Variants in PCNT observed in about 807,000 individuals in gnomAD.
The protein encoded by PCNT is kendrin.
PCNT carries 319 observed loss-of-function variants against 380.4 expected under a neutral mutation model. The ratio of observed to expected loss-of-function variants is 0.84; its 90% confidence interval spans 0.77 to 0.92. The LOEUF (loss-of-function observed/expected upper bound fraction) is 0.92, where lower values mean the gene tolerates loss of function less well. Among genes scored for constraint, PCNT ranks in the 40% least tolerant of loss-of-function variants. PCNT has a pLI of 0.00. For synonymous variants in PCNT, 1,845 were observed against 1,735.2 expected, an observed-to-expected ratio of 1.06 and a Z score of -1.57; for missense variants, 4,400 against 4,255.3, an observed-to-expected ratio of 1.03 and a Z score of -0.95.
chr21:46,354,168 C>G (rs554319104), intron 11 of PCNT, 100 bp downstream of exon 11: 1 of 1,090,068 alleles, frequency 9.2e-7, no homozygotes, highest in Non-Finnish European at 1.4e-6. Flanking sequence ...TCCTTCCCAC[C>G]TTGTCCAGGG....
In PCNT at chr21:46,437,015, A is replaced by G; in HGVS notation, c.9033A>G (p.Ala3011=). Residue 3011 remains alanine, a synonymous_variant, in exon 40 of 47, where the codon GCA becomes GCG. Transcript: ENST00000359568. ...ATTGGACGTCATCCAATGAGAAAGC[A>G]GTGATGTCTTTACTGCACACGTTGG... The part of the protein sequence containing the change: ...VNDWTSSNEK[A]VMSLLHTLEE... The G allele has an allele frequency of 3.7e-6, 6 of 1,614,166 alleles. No homozygotes were observed. Among genetic ancestry groups the G allele is most frequent in the Non-Finnish European group, 5.1e-6 (6 of 1,179,990 alleles).
chr21:46,431,396 A>C, intron 37 of PCNT, 133 bp from the exon 38 acceptor site: 1 of 1,527,376 alleles, frequency 6.5e-7, no homozygotes, highest in Non-Finnish European at 8.8e-7. Context: ...TTGTCCCTAC[A>C]TGTGGCTAAT....
chr21:46,370,109 C>T (rs2085065161), intron 15 of PCNT, among the ~76,000 whole-genome samples: 1 of 152,112 alleles, frequency 6.6e-6, no homozygotes, highest in African/African-American at 2.4e-5. Context: ...CTTACGGATA[C>T]ACTTGGAGCC....
chr21:46,372,263 C>T (rs1320950892), intron 15 of PCNT, among the ~76,000 whole-genome samples: 5 of 151,850 alleles, frequency 3.3e-5, no homozygotes, highest in African/African-American at 9.7e-5. Flanking sequence ...CACATGTGCA[C>T]GTGTAGCACA....
chr21:46,418,002 T>C (rs907117962), intron 30 of PCNT, among the ~76,000 whole-genome samples: 1 of 152,244 alleles, frequency 6.6e-6, no homozygotes, highest in African/African-American at 2.4e-5. Context: ...ATTGGCTACA[T>C]TAAAATATTC....
Position 46,357,177 on chromosome 21 carries a change from G to A in PCNT, c.2140G>A (p.Asp714Asn), listed in dbSNP as rs757622282. Reference sequence around the variant, plus strand: ...GTTGCAGCATGAAACTCGTCTGAAGGACGATTTGGAGAAGGTGAGTCGTGA... The same window carrying A: ...GTTGCAGCATGAAACTCGTCTGAAGAACGATTTGGAGAAGGTGAGTCGTGA... ...GKLQHETRLKDDLEKVKHNLI... is the reference protein window; with the variant it reads ...GKLQHETRLKNDLEKVKHNLI... The change falls in exon 13 of 47, where the codon GAC (aspartate) becomes AAC (asparagine). Residue 714 changes from aspartate to asparagine, a missense_variant. Coordinates refer to ENST00000359568, the MANE Select transcript of PCNT (RefSeq NM_006031.6). 1 of 1,612,002 alleles carries A rather than the reference G, an allele frequency of 6.2e-7. No individual in the cohort carries two copies. Among genetic ancestry groups the A allele is most frequent in the Admixed American group, 1.7e-5 (1 of 60,028 alleles).
chr21:46,428,923 G>GT (rs2087624053), intron 35 of PCNT, among the ~76,000 whole-genome samples: 1 of 144,806 alleles, frequency 6.9e-6, no homozygotes, highest in African/African-American at 2.9e-5. Flanking sequence ...TTCTTCGGGA[G>GT]TTTTTATGTA....
intron 14 of PCNT, among the ~76,000 whole-genome samples, chr21:46,365,163 AT>A (rs2084855049): frequency 6.6e-6 from 1 of 151,318 alleles, no homozygotes; most frequent in Non-Finnish European, 1.5e-5. Context: ...GGTTCTATTC[AT>A]TCACTGCCAT....
In PCNT at chr21:46,436,217, A is replaced by AG. The variant is rs2053442627; in HGVS notation, c.8996+72dup. 1.9e-6 allele frequency: 3 copies of AG among 1,573,116 alleles called. No homozygotes were observed. In the Admixed American group the frequency reaches 5.1e-5, roughly 27 times the overall value. On this transcript the variant is annotated intron_variant, in intron 39 of 46. Transcript: ENST00000359568. ...ACCCCTCTGTCCCAGACCCGGCCCG[A>AG]GGGCTGGGGCGCGTCTGGTGTGAGG... is the stretch of plus-strand genomic sequence containing the variant.
intron 15 of PCNT, among the ~76,000 whole-genome samples, chr21:46,381,074 G>A (rs1281148917): frequency 6.6e-6 from 1 of 151,296 alleles, no homozygotes; most frequent in Admixed American, 6.6e-5. Context: ...CTACTCGGGA[G>A]ACTGAGGCAA....
chr21:46,365,952 C>T (rs1317721413), intron 14 of PCNT, among the ~76,000 whole-genome samples: 1 of 148,848 alleles, frequency 6.7e-6, no homozygotes, highest in African/African-American at 2.5e-5. Context: ...CTATTCACTG[C>T]TGTGGGGTTC....
chr21:46,364,263 G>C (rs1458902527), intron 14 of PCNT, among the ~76,000 whole-genome samples: 1 of 151,934 alleles, frequency 6.6e-6, no homozygotes, highest in Admixed American at 6.6e-5. Flanking sequence ...CAGGCTGGCA[G>C]TTGCTGTCCC....
intron 3 of PCNT, among the ~76,000 whole-genome samples, chr21:46,342,627 G>A (rs2083942114): frequency 6.7e-6 from 1 of 149,708 alleles, no homozygotes; most frequent in Non-Finnish European, 1.5e-5. Context: ...TGCAACCTCC[G>A]CCTCCCGGGT....
In PCNT at chr21:46,376,674, C is replaced by G. The variant is rs568142378; in HGVS notation, c.3166-5020C>G. Among the ~76,000 whole-genome samples the G allele has an allele frequency of 3.9e-5, 6 of 152,344 alleles. No homozygotes were observed. The East Asian group carries it at 9.6e-4, about 24-fold the overall frequency. On this transcript the variant is annotated intron_variant, in intron 15 of 46. Coordinates refer to ENST00000359568, the MANE Select transcript of PCNT (RefSeq NM_006031.6). ...TGGTTGGTGTACACTGAACCAGCAT[C>G]CCTGTTTGGACCTCTTACTCCTGGC...
intron 13 of PCNT, among the ~76,000 whole-genome samples, chr21:46,361,692 C>T (rs558117021): frequency 4.6e-5 from 7 of 152,292 alleles, no homozygotes; most frequent in African/African-American, 1.7e-4. Context: ...GAGTGTTTGG[C>T]GTCATTCCCT....
rs548190846 is a variant in PCNT, at chr21:46,411,780, C to T, written c.5707C>T (p.Arg1903Cys). The T allele has an allele frequency of 7.8e-4, 1,254 of 1,604,678 alleles. 3 individuals are homozygous for T. The highest frequency in any genetic ancestry group is 7.2e-4 in the Non-Finnish European group (845 of 1,178,066). Reference sequence around the variant, plus strand: ...CCTGTTGGCCTTGGCCCGCATCCGCCGCGCCCTGGAGCAGCAGCCCCTGGC... The same window carrying T: ...CCTGTTGGCCTTGGCCCGCATCCGCTGCGCCCTGGAGCAGCAGCCCCTGGC... The part of the protein sequence containing the change: ...AVLLALARIR[R>C]ALEQQPLAAG... The change falls in exon 28 of 47, where the codon CGC becomes TGC. Residue 1903 changes from arginine (R) to cysteine (C), a missense_variant. By Grantham distance (180) the Arg-to-Cys change is radical. Coordinates refer to ENST00000359568, the MANE Select transcript of PCNT (RefSeq NM_006031.6).
intron 15 of PCNT, among the ~76,000 whole-genome samples, chr21:46,371,366 C>A (rs569867576): frequency 6.6e-6 from 1 of 152,040 alleles, no homozygotes; most frequent in Non-Finnish European, 1.5e-5. Flanking sequence ...CGGGCCACCA[C>A]GCCTCGCTAA....
intron 32 of PCNT, among the ~76,000 whole-genome samples, chr21:46,422,370 C>T (rs766996065): frequency 4.6e-5 from 7 of 152,232 alleles, no homozygotes; most frequent in East Asian, 1.9e-4. Context: ...CCTGTGAGCC[C>T]GTGGGCAGGT....
intron 43 of PCNT, among the ~76,000 whole-genome samples, chr21:46,441,670 C>G (rs186974818): frequency 2.0e-5 from 3 of 152,312 alleles, no homozygotes; most frequent in Non-Finnish European, 4.4e-5. Flanking sequence ...CCTCCACCGT[C>G]CATCCTTCCA....
Sources: allele counts gnomAD v4.1 joint callset (sites outside exome capture counted in the v4.1 genomes callset), GRCh38; gene constraint gnomAD v4.1.1; transcripts MANE v1.5; gene names NCBI Gene and HGNC (gene_info 2026-07-23, HGNC 2026-07-21).